The following LRRC53 variants were observed in gnomAD, a reference collection of about 807,000 sequenced individuals.
The protein encoded by LRRC53 is leucine-rich repeat-containing protein 53.
LRRC53 carries 25 observed loss-of-function variants against 13.6 expected under a neutral mutation model. The observed-to-expected ratio is 1.83, with a 90% CI of 1.34 to 2.56. LRRC53 has a LOEUF of 2.56. LRRC53 is among the 30% of genes most tolerant of loss of function. The pLI is 0.00. For synonymous variants in LRRC53, 204 were observed against 109.8 expected, an observed-to-expected ratio of 1.86 and a Z score of -5.37; for missense variants, 527 against 275.8, an observed-to-expected ratio of 1.91 and a Z score of -6.45.
chr1:74,505,681 A>G (rs1669859185), intron 1 of LRRC53, among the ~76,000 whole-genome samples: 1 of 152,200 alleles, frequency 6.6e-6, no homozygotes, highest in Admixed American at 6.5e-5. Context: ...GTAAAAAAAC[A>G]CATTAAACCA....
chr1:74,506,269 G>A lies in LRRC53; in HGVS notation c.-27+6257C>T, dbSNP rs368388299. On this transcript the variant is annotated intron_variant, in intron 1 of 4. Coordinates refer to ENST00000294635, the MANE Select transcript of LRRC53 (RefSeq NM_001382280.1). ...ATTGTGCATTTTTTGTATGCCTGTC[G>A]TAGCACAGACTTATTACAACTCTTC... Among the ~76,000 whole-genome samples the A allele has an allele frequency of 9.8e-4, 149 of 152,248 alleles. 1 individual carries two copies. The highest frequency in any genetic ancestry group is 3.2e-3 in the African/African-American group (132 of 41,540).
chr1:74,492,354 G>A (rs1191032630), intron 1 of LRRC53: 9 of 1,331,344 alleles, frequency 6.8e-6, no homozygotes, highest in Non-Finnish European at 8.7e-6. Context: ...CTATTAACAG[G>A]GTTTGATTAC....
At chr1:74,516,823 C>G (rs17095497), upstream of LRRC53, among the ~76,000 whole-genome samples, 1 of 152,140 alleles carries the variant, frequency 6.6e-6, no homozygotes, top group African/African-American at 2.4e-5. Flanking sequence ...CAGCTTACTT[C>G]TGGGATTTTT....
chr1:74,500,447 C>G (rs1223204663), intron 1 of LRRC53, among the ~76,000 whole-genome samples: 1 of 150,616 alleles, frequency 6.6e-6, no homozygotes, highest in African/African-American at 2.4e-5. Context: ...ACTAAAAATA[C>G]AAAAAAATTA....
the LRRC53 span, among the ~76,000 whole-genome samples, chr1:74,518,873 C>CTTTTT: frequency 3.0e-4 from 30 of 100,344 alleles, no homozygotes; most frequent in Non-Finnish European, 4.3e-4. Context: ...TTTTTTTTCC[C>CTTTTT]CTTTTTTTTT....
At position 74,471,171 on chromosome 1, in the gene LRRC53, G is replaced by C. The variant is rs1667914905; in HGVS notation, c.2451C>G (p.Val817=). 2.5e-6 allele frequency: 1 copy of C among 400,564 alleles called. No individual in the cohort carries two copies. 24.8% of individuals were successfully genotyped at this position (400,564 alleles called of 1,614,324 possible). The change falls in exon 5 of 5, where the codon GTC becomes GTG. Residue 817 remains valine, a synonymous_variant. Transcript: ENST00000294635. ...PLLSANNLRV[V]NQSSIESSCY... ...AGCTGCTTTCTATAGAGCTCTGGTT[G>C]ACTACACGCAAGTTGTTAGCACTGA... is the stretch of plus-strand genomic sequence containing the variant.
In LRRC53 at chr1:74,486,507, CT is replaced by C. The variant is rs397940623; in HGVS notation, c.-26-3133del. 2.2e-3 allele frequency among the ~76,000 whole-genome samples: 300 copies of C among 137,008 alleles called. 1 individual carries two copies. The highest frequency in any genetic ancestry group is 4.4e-3 in the South Asian group (19 of 4,344). The allele number at this position is 137,008 out of a possible 152,430, so 89.9% of individuals were successfully genotyped here. A position where few individuals can be genotyped will look rare whatever the true frequency, so the allele number is the denominator to read the frequency against. On this transcript the variant is annotated intron_variant, in intron 1 of 4. Coordinates refer to ENST00000294635, the MANE Select transcript of LRRC53 (RefSeq NM_001382280.1). ...TTTTGTGTGTGTTTTTTGTTTTTTG[CT>C]TTTTTTTTTTTTGCCTCTGCAAGCA... is the stretch of plus-strand genomic sequence containing the variant.
the LRRC53 span, among the ~76,000 whole-genome samples, chr1:74,528,112 G>T: frequency 6.6e-6 from 1 of 152,190 alleles, no homozygotes; most frequent in African/African-American, 2.4e-5. Context: ...GCTCAAGTAA[G>T]GCCAGAGCCC....
chr1:74,492,233 T>C (rs1294928467), intron 1 of LRRC53: 1 of 1,611,832 alleles, frequency 6.2e-7, no homozygotes, highest in South Asian at 1.1e-5. Flanking sequence ...GAATATGCTC[T>C]AAATGCAAGG....
intron 1 of LRRC53, among the ~76,000 whole-genome samples, chr1:74,497,018 T>C (rs190961887): frequency 6.6e-6 from 1 of 152,318 alleles, no homozygotes; most frequent in East Asian, 1.9e-4. Flanking sequence ...GTAAAACAGA[T>C]ACATTTGGGA....
intron 1 of LRRC53, among the ~76,000 whole-genome samples, chr1:74,502,243 C>T (rs563430211): frequency 1.3e-5 from 2 of 152,240 alleles, no homozygotes; most frequent in South Asian, 4.1e-4. Flanking sequence ...AATGTCTCTC[C>T]TTTTGCTGCT....
chr1:74,516,679 G>A (rs1646352856), upstream of LRRC53, among the ~76,000 whole-genome samples: 1 of 152,116 alleles, frequency 6.6e-6, no homozygotes, highest in South Asian at 2.1e-4. Context: ...TAAAAAGAAG[G>A]ACATTTCCAC....
intron 1 of LRRC53, 30 bp from the exon 2 acceptor site, chr1:74,483,405 C>T: frequency 1.4e-6 from 1 of 712,348 alleles, no homozygotes; most frequent in South Asian, 1.5e-5. Flanking sequence ...CAATGTATAT[C>T]ATAATGTTGG....
At chr1:74,475,854 G>T in intron 3 of LRRC53, 44 bp from the exon 4 acceptor site, 1 of 532,202 alleles carries the variant, frequency 1.9e-6, no homozygotes, top group Non-Finnish European at 3.4e-6. Context: ...ATCTTGGGAA[G>T]AAACACATAA....
intron 1 of LRRC53, among the ~76,000 whole-genome samples, chr1:74,485,255 T>A (rs892279423): frequency 6.6e-6 from 1 of 152,186 alleles, no homozygotes; most frequent in African/African-American, 2.4e-5. Flanking sequence ...TACAGTGAAT[T>A]TCCATGGGCA....
the LRRC53 span, among the ~76,000 whole-genome samples, chr1:74,518,856 T>C: frequency 7.6e-6 from 1 of 131,154 alleles, no homozygotes; most frequent in Non-Finnish European, 1.5e-5. Context: ...TTTTTTATTT[T>C]ATTTTATTTT....
intron 2 of LRRC53, among the ~76,000 whole-genome samples, chr1:74,481,984 T>G (rs1407286412): frequency 6.6e-6 from 1 of 152,124 alleles, no homozygotes; most frequent in Non-Finnish European, 1.5e-5. Flanking sequence ...ATTCTCAGAG[T>G]GCCTTCTTTT....
chr1:74,498,850 T>C (rs1669466457), intron 1 of LRRC53, among the ~76,000 whole-genome samples: 1 of 152,092 alleles, frequency 6.6e-6, no homozygotes, highest in African/African-American at 2.4e-5. Flanking sequence ...CCTGTGTGTT[T>C]TTTAAAAAAA....
chr1:74,522,768 G>A, the LRRC53 span, among the ~76,000 whole-genome samples: 2 of 152,118 alleles, frequency 1.3e-5, no homozygotes, highest in Admixed American at 6.6e-5. Context: ...ATTAAAACTG[G>A]TGTATTTCTT....
Sources: gnomAD v4.1 joint callset for allele counts (sites outside exome capture counted in the v4.1 genomes callset) on GRCh38, gnomAD v4.1.1 for gene constraint, MANE v1.5 for transcripts, NCBI Gene and HGNC (gene_info 2026-07-23, HGNC 2026-07-21) for gene names.